The following CSMD1 variants were observed in gnomAD, a reference collection of about 807,000 sequenced individuals.
The protein encoded by CSMD1 is CUB and Sushi multiple domains 1, also known as CUB and sushi domain-containing protein 1.
In CSMD1, 213 loss-of-function variants were observed where a neutral mutation model predicts 417.5. That is an observed-to-expected ratio of 0.51 (90% CI 0.46 to 0.57). CSMD1 has a LOEUF of 0.57. CSMD1 is among the 20% of genes least tolerant of loss of function. The pLI, the probability that CSMD1 is intolerant of heterozygous loss-of-function variation, is 0.00. For missense variants in CSMD1, 6,923 were observed against 4,529.7 expected, an observed-to-expected ratio of 1.53 and a Z score of -15.17; for synonymous variants, 2,862 against 1,736.8, an observed-to-expected ratio of 1.65 and a Z score of -16.11.
Position 3,142,518 on chromosome 8 carries a change from T to A in CSMD1, c.6188A>T (p.His2063Leu). The A allele has an allele frequency of 6.2e-7, 1 of 1,613,984 alleles. No individual in the cohort carries two copies. The highest frequency in any genetic ancestry group is 8.5e-7 in the Non-Finnish European group (1 of 1,179,890). Residue 2063 changes from histidine (H) to leucine (L), a missense_variant, in exon 41 of 70, where the codon CAC becomes CTC. His to Leu is a moderately conservative substitution (Grantham distance 99). Coordinates refer to ENST00000635120, the MANE Select transcript of CSMD1 (RefSeq NM_033225.6). ...GTTTTGCGAATGGTCACTATAAAAG[T>A]GGATGAGGGTTTCATGCGTTGTGCT... The part of the protein sequence containing the change: ...LLSTTHETLI[H>L]FYSDHSQNRQ...
intron 1 of CSMD1, among the ~76,000 whole-genome samples, chr8:4,795,771 C>T (rs1172952275): frequency 6.6e-6 from 1 of 152,070 alleles, no homozygotes; most frequent in Non-Finnish European, 1.5e-5. Flanking sequence ...CCTGTGCACG[C>T]CTTCAGGTAC....
intron 3 of CSMD1, among the ~76,000 whole-genome samples, chr8:4,295,715 A>ATT (rs1291872304): frequency 7.1e-6 from 1 of 141,476 alleles, no homozygotes; most frequent in Non-Finnish European, 1.5e-5. Flanking sequence ...TTGTGTTAAA[A>ATT]TTATATATAT....
At chr8:2,978,859 G>A (rs1805162643) in intron 54 of CSMD1, 59 bp from the exon 55 acceptor site, 1 of 1,398,844 alleles carries the variant, frequency 7.1e-7, no homozygotes, top group Admixed American at 2.5e-5. Context: ...CAACAAAATA[G>A]ATCAGAAATG....
At chr8:3,438,367 A>G (rs1017411256) in intron 12 of CSMD1, among the ~76,000 whole-genome samples, 4 of 152,152 alleles carry the variant, frequency 2.6e-5, no homozygotes, top group Admixed American at 6.5e-5. Context: ...GATACAGAAC[A>G]TGTCCAGCAA....
At chr8:4,155,958 A>C (rs1363701631) in intron 3 of CSMD1, among the ~76,000 whole-genome samples, 1 of 152,182 alleles carries the variant, frequency 6.6e-6, no homozygotes, top group Non-Finnish European at 1.5e-5. Flanking sequence ...GCACATTTTA[A>C]TCATCAAGTC....
rs571805911 is a variant in CSMD1, at chr8:3,955,720, G to A, written c.818+42183C>T. Among the ~76,000 whole-genome samples, 273 of 147,440 alleles carry A rather than the reference G, an allele frequency of 1.9e-3. 2 individuals carry two copies. Among genetic ancestry groups the A allele is most frequent in the African/African-American group, 6.3e-3 (258 of 40,918 alleles). On this transcript the variant is annotated intron_variant, in intron 5 of 69. Coordinates refer to ENST00000635120, the MANE Select transcript of CSMD1 (RefSeq NM_033225.6). The stretch of plus-strand genomic sequence containing the variant: ...GAATACGTGGACACAAAGATTCTTC[G>A]AGAACTGCCTCAAGTAAGAAAAAAA...
At chr8:4,897,038 G>C (rs1295867938) in intron 1 of CSMD1, among the ~76,000 whole-genome samples, 1 of 152,052 alleles carries the variant, frequency 6.6e-6, no homozygotes, top group Non-Finnish European at 1.5e-5. Context: ...TTTTATCAAT[G>C]TTTTAAAACT....
chr8:3,848,145 G>C (rs113051954), intron 5 of CSMD1, among the ~76,000 whole-genome samples: 1 of 151,880 alleles, frequency 6.6e-6, no homozygotes, highest in African/African-American at 2.4e-5. Flanking sequence ...TGTGACTGCT[G>C]TATGTGGTGG....
Position 4,191,744 on chromosome 8 carries a change from C to CAA in CSMD1, c.416-159647_416-159646dup, listed in dbSNP as rs3065543. The stretch of plus-strand genomic sequence containing the variant: ...CCACTGAAAAAAGGGAAGGTCATTC[C>CAA]AAAAAAAAAAAAAAAAAATGGTGGT... On this transcript the variant is annotated intron_variant, in intron 3 of 69. Transcript: ENST00000635120. Among the ~76,000 whole-genome samples, 1,118 of 135,578 alleles carry CAA rather than the reference C, an allele frequency of 8.2e-3. 17 individuals carry two copies. Among genetic ancestry groups the CAA allele is most frequent in the Admixed American group, 0.015 (194 of 13,252 alleles). The allele number at this position is 135,578 out of a possible 152,430, so 88.9% of individuals were successfully genotyped here. A position where few individuals can be genotyped will look rare whatever the true frequency, so the allele number is the denominator to read the frequency against.
chr8:4,030,394 T>G (rs1585165728), intron 4 of CSMD1, among the ~76,000 whole-genome samples: 1 of 152,212 alleles, frequency 6.6e-6, no homozygotes, highest in Admixed American at 6.5e-5. Flanking sequence ...TTCTACACAT[T>G]CGCAGGCTCA....
chr8:3,450,915 G>A (rs543014417), intron 12 of CSMD1, among the ~76,000 whole-genome samples: 2 of 151,840 alleles, frequency 1.3e-5, no homozygotes, highest in Non-Finnish European at 2.9e-5. Flanking sequence ...GGTTGAACTA[G>A]TTTACAGTCT....
intron 1 of CSMD1, among the ~76,000 whole-genome samples, chr8:4,833,396 C>G (rs1257752468): frequency 6.6e-6 from 1 of 152,194 alleles, no homozygotes; most frequent in African/African-American, 2.4e-5. Flanking sequence ...AGAGAACTCA[C>G]TGTCATGAGA....
At chr8:3,010,321 T>C (rs1387179540) in intron 52 of CSMD1, among the ~76,000 whole-genome samples, 1 of 152,318 alleles carries the variant, frequency 6.6e-6, no homozygotes, top group Admixed American at 6.5e-5. Context: ...ACCTATGCAC[T>C]TCCCCTATTG....
chr8:4,073,532 C>G (rs991787532), intron 3 of CSMD1, among the ~76,000 whole-genome samples: 4 of 152,016 alleles, frequency 2.6e-5, no homozygotes, highest in Non-Finnish European at 4.4e-5. Flanking sequence ...TGTCTTAGTG[C>G]CAGATGGCAT....
At chr8:3,294,737 C>G (rs1563237140) in intron 25 of CSMD1, among the ~76,000 whole-genome samples, 1 of 152,146 alleles carries the variant, frequency 6.6e-6, no homozygotes, top group African/African-American at 2.4e-5. Flanking sequence ...CTTTCTTTGA[C>G]TAGGATAGGG....
intron 21 of CSMD1, among the ~76,000 whole-genome samples, chr8:3,356,834 G>A (rs1808827574): frequency 6.6e-6 from 1 of 152,210 alleles, no homozygotes; most frequent in African/African-American, 2.4e-5. Context: ...TGGAGAGCCA[G>A]GGAATGAGGG....
chr8:3,188,854 C>G (rs773051692), intron 35 of CSMD1, 33 bp downstream of exon 35: 27 of 1,471,328 alleles, frequency 1.8e-5, no homozygotes, highest in Non-Finnish European at 2.3e-5. Flanking sequence ...CCCAGCTGAG[C>G]CCTGTTGTAG....
chr8:4,379,364 T>A (rs1276675395), intron 3 of CSMD1, among the ~76,000 whole-genome samples: 1 of 152,148 alleles, frequency 6.6e-6, no homozygotes, highest in East Asian at 1.9e-4. Flanking sequence ...ACAGGAGGAA[T>A]AAATAGAATG....
intron 1 of CSMD1, among the ~76,000 whole-genome samples, chr8:4,838,195 C>T (rs187750378): frequency 2.4e-4 from 37 of 152,276 alleles, no homozygotes; most frequent in African/African-American, 7.9e-4. Flanking sequence ...GTGTTCTCCC[C>T]GCTCTTCAAT....
Sources: allele counts gnomAD v4.1 joint callset (sites outside exome capture counted in the v4.1 genomes callset), GRCh38; gene constraint gnomAD v4.1.1; transcripts MANE v1.5; gene names NCBI Gene and HGNC (gene_info 2026-07-23, HGNC 2026-07-21).